DMD: variants seen among roughly 807,000 people sequenced by gnomAD.
DMD encodes the protein dystrophin.
Under a neutral mutation model 330.1 loss-of-function variants are expected in DMD, and 63 were observed. The ratio of observed to expected loss-of-function variants is 0.19; its 90% CI spans 0.16 to 0.24. The LOEUF is 0.24. Ranked by LOEUF, DMD falls within the 10% of genes least tolerant of loss-of-function variation. The pLI is 1.00. For synonymous variants in DMD, 1,223 were observed against 959.8 expected (o/e 1.27, Z -5.07); for missense variants, 3,344 against 2,684.1 (o/e 1.25, Z -5.43).
intron 2 of DMD, among the ~76,000 whole-genome samples, chrX:32,938,045 A>G (rs963950597): frequency 2.7e-5 from 3 of 111,462 alleles, no homozygotes; most frequent in African/African-American, 9.8e-5. Context: ...AGACCACTTA[A>G]GTCAGACTCT....
chrX:32,692,648 C>G (rs1380101999), intron 9 of DMD, among the ~76,000 whole-genome samples: 8 of 111,936 alleles, frequency 7.1e-5, no homozygotes, highest in African/African-American at 2.6e-4. Flanking sequence ...TGTTCCTCAG[C>G]AACCTCAGAA....
At chrX:32,462,291 T>C (rs1218036485) in intron 25 of DMD, among the ~76,000 whole-genome samples, 1 of 111,556 alleles carries the variant, frequency 9.0e-6, no homozygotes, top group African/African-American at 3.3e-5. Context: ...ACAAGTTATC[T>C]CTCTTCTTCT....
chrX:32,186,583 T>C (rs2096948804), intron 44 of DMD, among the ~76,000 whole-genome samples: 1 of 111,640 alleles, frequency 9.0e-6, no homozygotes, highest in Admixed American at 9.6e-5. Flanking sequence ...TTGATTCTAG[T>C]TTTCCATTTG....
At chrX:32,885,863 G>A (rs906386854) in intron 2 of DMD, among the ~76,000 whole-genome samples, 1 of 102,781 alleles carries the variant, frequency 9.7e-6, no homozygotes, top group East Asian at 3.0e-4. Context: ...TTCCTTTCAG[G>A]TAGTAGGCAC....
intron 48 of DMD, among the ~76,000 whole-genome samples, chrX:31,860,747 T>C (rs16989888): frequency 0.013 from 1,505 of 112,728 alleles, 25 homozygotes; most frequent in African/African-American, 0.046. Context: ...AGGTAATGTA[T>C]TTTGAAAGAA....
chrX:32,826,574 C>T (rs993438820), intron 4 of DMD, among the ~76,000 whole-genome samples: 4 of 111,366 alleles, frequency 3.6e-5, no homozygotes, highest in African/African-American at 6.5e-5. Flanking sequence ...GAGTACGTTA[C>T]GTCAAATGAC....
chrX:32,653,138 G>C (rs922507503), intron 9 of DMD, among the ~76,000 whole-genome samples: 2 of 111,494 alleles, frequency 1.8e-5, no homozygotes, highest in Non-Finnish European at 3.8e-5. Context: ...AGTTTCTTTT[G>C]CTTTGCAGAA....
intron 60 of DMD, among the ~76,000 whole-genome samples, chrX:31,373,357 G>A (rs78826322): frequency 0.062 from 6,075 of 97,245 alleles, 177 homozygotes; most frequent in Middle Eastern, 0.11. Flanking sequence ...AGCCCGCATC[G>A]CCAAGTCAAT....
intron 44 of DMD, among the ~76,000 whole-genome samples, chrX:32,027,175 C>CACAG (rs1490529901): frequency 9.7e-5 from 10 of 103,335 alleles, no homozygotes; most frequent in Non-Finnish European, 1.9e-4. Context: ...CACACACACA[C>CACAG]ACACACACAG....
intron 57 of DMD, among the ~76,000 whole-genome samples, chrX:31,484,716 G>A (rs1401475493): frequency 8.9e-6 from 1 of 112,040 alleles, no homozygotes; most frequent in Non-Finnish European, 1.9e-5. Context: ...TATTATGAAG[G>A]TTGAATTATC....
chrX:31,236,446 G>T (rs12391433), intron 63 of DMD, among the ~76,000 whole-genome samples: 12,881 of 112,077 alleles, frequency 0.11, 654 homozygotes, highest in African/African-American at 0.18. Context: ...GAAATGACGT[G>T]AGCACTAAAG....
chrX:33,219,165 G>C (rs2052114410), intron 1 of DMD, among the ~76,000 whole-genome samples: 1 of 110,278 alleles, frequency 9.1e-6, no homozygotes, highest in Admixed American at 9.8e-5. Context: ...TCAGACTCTG[G>C]ATCTTATTTA....
intron 65 of DMD, among the ~76,000 whole-genome samples, chrX:31,207,197 A>T (rs1201656589): frequency 8.9e-6 from 1 of 111,768 alleles, no homozygotes; most frequent in Non-Finnish European, 1.9e-5. Flanking sequence ...AACACATAAT[A>T]TAGAATATAA....
chrX:32,310,009 T>C (rs1195248313), intron 42 of DMD, 73 bp downstream of exon 42: 1 of 964,008 alleles, frequency 1.0e-6, no homozygotes, highest in Non-Finnish European at 1.5e-6. Flanking sequence ...ACAATTTAAG[T>C]CAATTGTTCT....
At chrX:32,017,702 C>A (rs2095774635) in intron 44 of DMD, among the ~76,000 whole-genome samples, 2 of 111,816 alleles carry the variant, frequency 1.8e-5, no homozygotes, top group Admixed American at 1.9e-4. Context: ...AAGAGTACAA[C>A]AACTTCCTGG....
intron 63 of DMD, among the ~76,000 whole-genome samples, chrX:31,244,251 A>G (rs1314267548): frequency 8.9e-6 from 1 of 112,135 alleles, no homozygotes; most frequent in African/African-American, 3.2e-5. Context: ...TTGACACCAT[A>G]CATATTTGGT....
Position 32,879,900 on chromosome X carries a change from T to C in DMD, c.94-30080A>G, listed in dbSNP as rs761156732. 4.5e-5 allele frequency among the ~76,000 whole-genome samples: 5 copies of C among 111,686 alleles called. No homozygotes were observed. In the South Asian group the frequency reaches 1.9e-3, roughly 42 times the overall value. On this transcript the variant is annotated intron_variant, in intron 2 of 78. Coordinates refer to ENST00000357033, the MANE Select transcript of DMD (RefSeq NM_004006.3). ...GTACTTGCATGTATTCCAATAGTGA[T>C]TGCCTTTCAGACCTTCCTCTTCTCC...
intron 60 of DMD, among the ~76,000 whole-genome samples, chrX:31,349,510 G>A (rs960131518): frequency 3.6e-5 from 4 of 112,276 alleles, no homozygotes; most frequent in East Asian, 2.8e-4. Context: ...ACTAATTTTC[G>A]GAATTCAGTT....
At chrX:31,445,530 T>C (rs1397318702) in intron 59 of DMD, among the ~76,000 whole-genome samples, 11 of 112,363 alleles carry the variant, frequency 9.8e-5, no homozygotes, top group East Asian at 2.8e-4. Context: ...CCTTATTTTT[T>C]ACAATAGAAA....
Sources: gnomAD v4.1 joint callset for allele counts (sites outside exome capture counted in the v4.1 genomes callset) on GRCh38, gnomAD v4.1.1 for gene constraint, MANE v1.5 for transcripts, NCBI Gene and HGNC (gene_info 2026-07-23, HGNC 2026-07-21) for gene names.